Variants in ADAMTSL1 observed in about 807,000 individuals in gnomAD.
ADAMTSL1 encodes the protein ADAMTS like 1.
In ADAMTSL1, 126 loss-of-function variants were observed where a neutral mutation model predicts 201.8. The ratio of observed to expected loss-of-function variants is 0.62; its 90% CI spans 0.54 to 0.72. The LOEUF (loss-of-function observed/expected upper bound fraction) is 0.72, where lower values mean the gene tolerates loss of function less well. Ranked by LOEUF, ADAMTSL1 falls within the 30% of genes least tolerant of loss-of-function variation. ADAMTSL1 has a pLI of 0.00. For synonymous variants in ADAMTSL1, 1,121 were observed against 903.4 expected, an observed-to-expected ratio of 1.24 and a Z score of -4.32; for missense variants, 2,679 against 2,277.8, an observed-to-expected ratio of 1.18 and a Z score of -3.59.
chr9:18,363,027 C>T (rs1205479578), intron 2 of ADAMTSL1, among the ~76,000 whole-genome samples: 1 of 152,196 alleles, frequency 6.6e-6, no homozygotes, highest in African/African-American at 2.4e-5. Context: ...AACAAAAGGA[C>T]TCAAGCTAGC....
chr9:18,400,504 G>C (rs1231859271), intron 2 of ADAMTSL1, among the ~76,000 whole-genome samples: 1 of 152,126 alleles, frequency 6.6e-6, no homozygotes, highest in African/African-American at 2.4e-5. Flanking sequence ...GCCATTTATA[G>C]TATTGCTATG....
intron 4 of ADAMTSL1, among the ~76,000 whole-genome samples, chr9:18,615,639 T>C (rs541020935): frequency 6.6e-6 from 1 of 152,342 alleles, no homozygotes; most frequent in East Asian, 1.9e-4. Context: ...TTATCTTCTC[T>C]GAACCTCAGT....
At chr9:18,732,105 C>T (rs569449005) in intron 15 of ADAMTSL1, among the ~76,000 whole-genome samples, 1 of 152,160 alleles carries the variant, frequency 6.6e-6, no homozygotes, top group South Asian at 2.1e-4. Flanking sequence ...TTAGCTAGTT[C>T]CTACCTCATA....
At chr9:18,721,502 TG>T in intron 14 of ADAMTSL1, 33 bp from the exon 15 acceptor site, 1 of 1,610,322 alleles carries the variant, frequency 6.2e-7, no homozygotes, top group Non-Finnish European at 8.5e-7. Context: ...ACACCCACTT[TG>T]CACTCTGGCC....
At chr9:18,024,806 T>C in intron 1 of ADAMTSL1, among the ~76,000 whole-genome samples, 1 of 152,188 alleles carries the variant, frequency 6.6e-6, no homozygotes, top group East Asian at 1.9e-4. Flanking sequence ...CTGGATCAAA[T>C]GGTAGTTCTA....
chr9:18,657,148 A>G (rs1460159224), intron 7 of ADAMTSL1, among the ~76,000 whole-genome samples: 3 of 152,244 alleles, frequency 2.0e-5, no homozygotes, highest in East Asian at 3.8e-4. Flanking sequence ...CACTAAATGG[A>G]CAAGAAGCCC....
intron 2 of ADAMTSL1, among the ~76,000 whole-genome samples, chr9:18,167,624 G>C (rs1827692566): frequency 6.6e-6 from 1 of 151,922 alleles, no homozygotes; most frequent in South Asian, 2.1e-4. Flanking sequence ...GTGTGGGGCA[G>C]TATTATTTCT....
At chr9:18,807,493 A>T (rs1823218715) in intron 20 of ADAMTSL1, among the ~76,000 whole-genome samples, 1 of 151,822 alleles carries the variant, frequency 6.6e-6, no homozygotes, top group Admixed American at 6.6e-5. Context: ...AAAATACAAA[A>T]AATTAGCCGG....
At chr9:18,438,622 A>AATGTT in intron 2 of ADAMTSL1, among the ~76,000 whole-genome samples, 1 of 152,176 alleles carries the variant, frequency 6.6e-6, no homozygotes, top group African/African-American at 2.4e-5. Context: ...CGAGCTCGTG[A>AATGTT]ATGTTACCCT....
chr9:18,371,787 C>G (rs1458240960), intron 2 of ADAMTSL1, among the ~76,000 whole-genome samples: 2 of 152,176 alleles, frequency 1.3e-5, no homozygotes, highest in African/African-American at 2.4e-5. Flanking sequence ...GAATCTCTCT[C>G]TGCTGCCAGA....
intron 13 of ADAMTSL1, among the ~76,000 whole-genome samples, chr9:18,702,620 G>A (rs954008051): frequency 1.1e-4 from 17 of 152,300 alleles, no homozygotes; most frequent in Admixed American, 1.1e-3. Flanking sequence ...GCCAGGTGTG[G>A]TTTGTTGTTG....
At chr9:18,684,620 C>T (rs1380514785) in intron 12 of ADAMTSL1, 96 bp from the exon 13 acceptor site, 13 of 1,365,868 alleles carry the variant, frequency 9.5e-6, no homozygotes, top group Middle Eastern at 1.9e-4. Flanking sequence ...TGTTGGTCAA[C>T]GTAGTAACTT....
chr9:18,267,946 A>G (rs1044404501), intron 2 of ADAMTSL1, among the ~76,000 whole-genome samples: 1 of 152,062 alleles, frequency 6.6e-6, no homozygotes, highest in Middle Eastern at 3.2e-3. Flanking sequence ...GATTTCTCAT[A>G]ATCTCAGAAT....
chr9:18,016,539 A>C (rs989003118), intron 1 of ADAMTSL1, among the ~76,000 whole-genome samples: 5 of 151,998 alleles, frequency 3.3e-5, no homozygotes, highest in Admixed American at 6.6e-5. Context: ...ACCCTGATGT[A>C]CATGATATCT....
chr9:18,478,367 C>T (rs1821564820), intron 1 of ADAMTSL1, among the ~76,000 whole-genome samples: 1 of 152,116 alleles, frequency 6.6e-6, no homozygotes, highest in South Asian at 2.1e-4. Flanking sequence ...TTAAACTCTT[C>T]CAGGAAAAAT....
intron 1 of ADAMTSL1, among the ~76,000 whole-genome samples, chr9:18,119,122 C>T (rs971835257): frequency 1.3e-4 from 19 of 151,908 alleles, no homozygotes; most frequent in African/African-American, 4.4e-4. Context: ...TTTGTGAGAA[C>T]GGTATGAACT....
At chr9:18,845,877 G>A (rs1013942712) in intron 23 of ADAMTSL1, among the ~76,000 whole-genome samples, 1 of 152,212 alleles carries the variant, frequency 6.6e-6, no homozygotes, top group Admixed American at 6.5e-5. Flanking sequence ...AGAGCTCACA[G>A]TGTTCACATG....
chr9:18,781,188 T>G (rs1821371425), intron 19 of ADAMTSL1, among the ~76,000 whole-genome samples: 1 of 151,376 alleles, frequency 6.6e-6, no homozygotes, highest in East Asian at 1.9e-4. Flanking sequence ...ACTAAAGCAC[T>G]GGGCCTAGGC....
rs369836774 is a variant in ADAMTSL1 at position 18,063,122 on chromosome 9, A to G, written c.88-100740A>G. Among the ~76,000 whole-genome samples, 414 of 152,260 alleles carry G rather than the reference A, an allele frequency of 2.7e-3. 2 individuals carry two copies. Among genetic ancestry groups the G allele is most frequent in the Middle Eastern group, 0.014 (4 of 294 alleles). Reference sequence around the variant, plus strand: ...AATGGGAGGATTGCTTGAGGCCAGGAGTTCAAGACCAGCCTGAGGCCAGGA... The same window carrying G: ...AATGGGAGGATTGCTTGAGGCCAGGGGTTCAAGACCAGCCTGAGGCCAGGA... On this transcript the variant is annotated intron_variant, in intron 1 of 29. Transcript: ENST00000680146.
Sources: gnomAD v4.1 joint callset for allele counts (sites outside exome capture counted in the v4.1 genomes callset) on GRCh38, gnomAD v4.1.1 for gene constraint, MANE v1.5 for transcripts, NCBI Gene and HGNC (gene_info 2026-07-23, HGNC 2026-07-21) for gene names.